Variants in AVL9 observed in about 807,000 individuals in gnomAD.
The protein encoded by AVL9 is AVL9 cell migration associated, also known as late secretory pathway protein AVL9 homolog.
Under a neutral mutation model 79.2 loss-of-function variants are expected in AVL9, and 49 were observed. The ratio of observed to expected loss-of-function variants is 0.62; its 90% CI spans 0.49 to 0.79. The LOEUF (loss-of-function observed/expected upper bound fraction) is 0.79. Ranked by LOEUF, AVL9 falls within the 30% of genes least tolerant of loss-of-function variation. The probability of loss-of-function intolerance (pLI) is 0.00; values close to 1 mark genes in which losing one functional copy is unlikely to be tolerated. For missense variants in AVL9, 682 were observed against 776.8 expected, an observed-to-expected ratio of 0.88 and a Z score of 1.45; for synonymous variants, 299 against 280.6, an observed-to-expected ratio of 1.07 and a Z score of -0.65.
intron 1 of AVL9, among the ~76,000 whole-genome samples, chr7:32,540,062 T>C (rs1789106269): frequency 6.6e-6 from 1 of 152,236 alleles, no homozygotes; most frequent in African/African-American, 2.4e-5. Context: ...AGGATATCTT[T>C]GGAAGGCCAT....
rs546103735 is a variant in AVL9, at chr7:32,566,661, G to A, written c.1216-3359G>A. Among the ~76,000 whole-genome samples the A allele has an allele frequency of 3.2e-4, 49 of 151,824 alleles. 2 individuals carry two copies. In the East Asian group the frequency reaches 4.8e-3, roughly 15 times the overall value. ...TGGGAGACCGAGGCGGGCAGATCAC[G>A]AGGTCAGGAGATCGAGACCATCCTG... On this transcript the variant is annotated intron_variant, in intron 10 of 15. Coordinates refer to ENST00000318709, the MANE Select transcript of AVL9 (RefSeq NM_015060.3).
intron 10 of AVL9, among the ~76,000 whole-genome samples, chr7:32,563,379 G>GC: frequency 6.6e-6 from 1 of 151,892 alleles, no homozygotes; most frequent in East Asian, 1.9e-4. Flanking sequence ...AATACCTAAT[G>GC]CAATGTAAAT....
rs551113962 is a variant in AVL9 at position 32,515,602 on chromosome 7, G to C, written c.93+19800G>C. 2.4e-3 allele frequency among the ~76,000 whole-genome samples: 358 copies of C among 152,298 alleles called. 2 individuals are homozygous for C. Among genetic ancestry groups the C allele is most frequent in the African/African-American group, 8.3e-3 (343 of 41,568 alleles). On this transcript the variant is annotated intron_variant, in intron 1 of 15. Transcript: ENST00000318709. ...AGAGAAGGCGAATTTGAGTTTTCCT[G>C]CTTCTAGAATGGTAGAGAGCAGTCT...
intron 4 of AVL9, 101 bp from the exon 5 acceptor site, chr7:32,551,233 A>T (rs1789801001): frequency 2.6e-6 from 2 of 760,458 alleles, no homozygotes. Flanking sequence ...TTTTCTCCAA[A>T]TTAAAAAGTT....
intron 12 of AVL9, among the ~76,000 whole-genome samples, chr7:32,574,839 T>C (rs2128151540): frequency 6.6e-6 from 1 of 152,310 alleles, no homozygotes; most frequent in East Asian, 1.9e-4. Context: ...GAAGTGTTCT[T>C]AGAACAACTT....
chr7:32,579,595 TTA>T (rs1562802627), intron 13 of AVL9, among the ~76,000 whole-genome samples: 1 of 16,558 alleles, frequency 6.0e-5, no homozygotes, highest in Admixed American at 1.6e-3. Context: ...ATATTATATA[TTA>T]TATATTATAT....
chr7:32,521,279 A>G (rs1000646519), intron 1 of AVL9, among the ~76,000 whole-genome samples: 1 of 152,220 alleles, frequency 6.6e-6, no homozygotes, highest in Non-Finnish European at 1.5e-5. Context: ...TCAGAAGAAG[A>G]CAGGAAAATG....
intron 1 of AVL9, among the ~76,000 whole-genome samples, chr7:32,511,288 A>G (rs975704533): frequency 1.0e-4 from 12 of 119,130 alleles, no homozygotes; most frequent in Middle Eastern, 7.0e-3. Context: ...TATGAGGGAA[A>G]CCATCTCCCC....
At chr7:32,549,416 G>A (rs1427153008) in intron 4 of AVL9, among the ~76,000 whole-genome samples, 1 of 151,428 alleles carries the variant, frequency 6.6e-6, no homozygotes, top group Non-Finnish European at 1.5e-5. Context: ...TGGTAGAGAC[G>A]AGGTTTTACC....
intron 1 of AVL9, among the ~76,000 whole-genome samples, chr7:32,524,793 G>A (rs761906947): frequency 3.0e-4 from 46 of 152,294 alleles, no homozygotes; most frequent in African/African-American, 1.1e-3. Context: ...TATGGCAAAA[G>A]ACTGTGAGTA....
chr7:32,495,500 C>T lies in AVL9; in HGVS notation c.-210C>T, dbSNP rs1171784704. 5.2e-6 allele frequency: 2 copies of T among 388,328 alleles called. No homozygotes were observed. Among genetic ancestry groups the T allele is most frequent in the Non-Finnish European group, 9.1e-6 (2 of 219,426 alleles). 24.1% of individuals were successfully genotyped at this position (388,328 alleles called of 1,614,324 possible). On this transcript the variant is annotated 5_prime_UTR_variant, in exon 1 of 16. Coordinates refer to ENST00000318709, the MANE Select transcript of AVL9 (RefSeq NM_015060.3). ...CGGCGGCGGCCGCCGTGTCAGGTGACAGCCCGGAAGCTGCGGAAGCGGATG... is the reference window on the plus strand; with the variant it reads ...CGGCGGCGGCCGCCGTGTCAGGTGATAGCCCGGAAGCTGCGGAAGCGGATG...
At chr7:32,508,435 GT>G (rs34805995) in intron 1 of AVL9, among the ~76,000 whole-genome samples, 1 of 152,028 alleles carries the variant, frequency 6.6e-6, no homozygotes, top group African/African-American at 2.4e-5. Context: ...TTAATATTGT[GT>G]TTTTTAACTC....
At chr7:32,572,893 T>C (rs1019987891) in intron 11 of AVL9, among the ~76,000 whole-genome samples, 1 of 152,122 alleles carries the variant, frequency 6.6e-6, no homozygotes, top group Non-Finnish European at 1.5e-5. Flanking sequence ...TCATTTCTGC[T>C]AGTGAAATAA....
intron 7 of AVL9, among the ~76,000 whole-genome samples, chr7:32,554,336 C>T (rs1789966748): frequency 6.6e-6 from 1 of 152,042 alleles, no homozygotes; most frequent in South Asian, 2.1e-4. Flanking sequence ...ATGGTACCAC[C>T]CCTTCAAGAA....
intron 12 of AVL9, among the ~76,000 whole-genome samples, chr7:32,573,646 T>C (rs1399166451): frequency 6.6e-6 from 1 of 152,198 alleles, no homozygotes; most frequent in African/African-American, 2.4e-5. Flanking sequence ...CTTTTGGTGG[T>C]CCTTTTACAA....
chr7:32,570,110 A>G lies in AVL9; in HGVS notation c.1306A>G (p.Ile436Val). ...VRGFVAGATN[I>V]LFRQQKHLSD... ...GGGGTTTGTTGCTGGAGCTACTAAC[A>G]TCCTTTTTCGACAACAGAAACACCT... The change falls in exon 11 of 16, where the codon ATC (isoleucine) becomes GTC (valine). Residue 436 changes from isoleucine (I) to valine (V), a missense_variant. By Grantham distance (29) the Ile-to-Val change is conservative. Transcript: ENST00000318709. 1 of 1,614,214 alleles carries G rather than the reference A, an allele frequency of 6.2e-7. No homozygotes were observed. Among genetic ancestry groups the G allele is most frequent in the Non-Finnish European group, 8.5e-7 (1 of 1,180,034 alleles).
chr7:32,543,242 C>T lies in AVL9; in HGVS notation c.195C>T (p.Gly65=), dbSNP rs367575541. 49 of 1,613,924 alleles carry T rather than the reference C, an allele frequency of 3.0e-5. 1 individual carries two copies. The highest frequency in any genetic ancestry group is 1.6e-4 in the Middle Eastern group (1 of 6,084). The change falls in exon 2 of 16, where the codon GGC becomes GGT. Residue 65 remains glycine (G), a synonymous_variant. Transcript: ENST00000318709. The part of the protein sequence containing the change: ...KYLPFLALPD[G]AHNYQEDTVF... ...TGCCCTTCCTTGCCTTACCAGATGG[C>T]GCACACAACTACCAGGAAGGTATGT...
chr7:32,551,236 A>T, intron 4 of AVL9, 98 bp from the exon 5 acceptor site: 1 of 773,250 alleles, frequency 1.3e-6, no homozygotes, highest in East Asian at 2.5e-5. Context: ...TCTCCAAATT[A>T]AAAAGTTGTG....
intron 1 of AVL9, among the ~76,000 whole-genome samples, chr7:32,501,692 C>A (rs1162139948): frequency 6.6e-6 from 1 of 152,202 alleles, no homozygotes; most frequent in Non-Finnish European, 1.5e-5. Flanking sequence ...TCTTATGGGT[C>A]CTCCCAGCTA....
Sources: gnomAD v4.1 joint callset for allele counts (sites outside exome capture counted in the v4.1 genomes callset) on GRCh38, gnomAD v4.1.1 for gene constraint, MANE v1.5 for transcripts, NCBI Gene and HGNC (gene_info 2026-07-23, HGNC 2026-07-21) for gene names.